Variants in MGMT observed in about 807,000 individuals in gnomAD.
MGMT encodes methylated-DNA--protein-cysteine methyltransferase.
Under a neutral mutation model 15.9 loss-of-function variants are expected in MGMT, and 14 were observed. The observed-to-expected ratio is 0.88, with a 90% CI of 0.58 to 1.37. The LOEUF (loss-of-function observed/expected upper bound fraction) is 1.37, where lower values mean the gene tolerates loss of function less well. Ranked by LOEUF, MGMT falls within the 40% of genes most tolerant of loss-of-function variation. MGMT has a pLI of 0.00. For missense variants in MGMT, 282 were observed against 268.1 expected (o/e 1.05, Z -0.36); for synonymous variants, 130 against 118.2 (o/e 1.10, Z -0.65).
intron 2 of MGMT, among the ~76,000 whole-genome samples, chr10:129,671,350 C>T (rs1304851016): frequency 3.3e-5 from 5 of 152,116 alleles, no homozygotes; most frequent in African/African-American, 1.2e-4. Flanking sequence ...CAGAAATTAG[C>T]AAATGCTACT....
At chr10:129,543,547 G>C (rs1427118946) in intron 2 of MGMT, among the ~76,000 whole-genome samples, 1 of 152,202 alleles carries the variant, frequency 6.6e-6, no homozygotes, top group Non-Finnish European at 1.5e-5. Flanking sequence ...AACCTCACCA[G>C]CTTCGGTGCT....
intron 2 of MGMT, among the ~76,000 whole-genome samples, chr10:129,573,997 C>T (rs940549668): frequency 5.3e-5 from 8 of 152,170 alleles, no homozygotes; most frequent in Non-Finnish European, 1.2e-4. Flanking sequence ...CTTAGTTTTA[C>T]TGTGGAATCC....
intron 2 of MGMT, among the ~76,000 whole-genome samples, chr10:129,679,603 T>A (rs1017392036): frequency 6.6e-6 from 1 of 152,240 alleles, no homozygotes; most frequent in Non-Finnish European, 1.5e-5. Flanking sequence ...GGAAGCCTGA[T>A]GTCGGGACGT....
At chr10:129,660,031 T>C (rs1847577948) in intron 2 of MGMT, among the ~76,000 whole-genome samples, 1 of 152,226 alleles carries the variant, frequency 6.6e-6, no homozygotes, top group Non-Finnish European at 1.5e-5. Context: ...TAATGAACAA[T>C]TATTTCTTGC....
At chr10:129,744,418 G>A (rs1196168025) in intron 3 of MGMT, among the ~76,000 whole-genome samples, 1 of 152,248 alleles carries the variant, frequency 6.6e-6, no homozygotes, top group Admixed American at 6.5e-5. Flanking sequence ...TGCCTTCGGA[G>A]TGAGCAAGCC....
intron 3 of MGMT, among the ~76,000 whole-genome samples, chr10:129,716,962 A>G (rs1303664242): frequency 1.3e-5 from 2 of 152,246 alleles, no homozygotes; most frequent in East Asian, 3.8e-4. Flanking sequence ...AAAAGGCCGC[A>G]TTGACGCATG....
intron 2 of MGMT, among the ~76,000 whole-genome samples, chr10:129,600,749 G>T (rs1564864919): frequency 6.6e-6 from 1 of 152,196 alleles, no homozygotes; most frequent in African/African-American, 2.4e-5. Context: ...ATGACCTGCC[G>T]AGGTGGCCAA....
At chr10:129,762,527 C>G (rs1214781190) in intron 4 of MGMT, among the ~76,000 whole-genome samples, 2 of 152,152 alleles carry the variant, frequency 1.3e-5, no homozygotes, top group Non-Finnish European at 2.9e-5. Flanking sequence ...GGAAGGCTGT[C>G]TCCCCAACTC....
rs1846219936 is a variant in MGMT, at chr10:129,556,861, A to AG, written c.125+20485dup. Among the ~76,000 whole-genome samples, 1 of 152,152 alleles carries AG rather than the reference A, an allele frequency of 6.6e-6. No individual in the cohort carries two copies. The highest frequency in any genetic ancestry group is 2.4e-5 in the African/African-American group (1 of 41,436). On this transcript the variant is annotated intron_variant, in intron 2 of 4. Transcript: ENST00000651593. This position sits in a 1 kb window ranked among gnomAD's most constrained non-coding sequence, Gnocchi z 4.3. ...TTTCTGTTCTGTCGTAGGGCTAGTGAGACCAGCTTTCCCTTGAGTTCTGGG... is the reference window on the plus strand; with the variant it reads ...TTTCTGTTCTGTCGTAGGGCTAGTGAGGACCAGCTTTCCCTTGAGTTCTGGG...
chr10:129,509,294 G>A (rs1006182193), intron 1 of MGMT, among the ~76,000 whole-genome samples: 20 of 152,166 alleles, frequency 1.3e-4, no homozygotes, highest in Admixed American at 3.3e-4. Flanking sequence ...CGTTGCCGCC[G>A]TTCACAGGAT....
intron 3 of MGMT, among the ~76,000 whole-genome samples, chr10:129,733,765 A>G (rs1195371691): frequency 6.9e-4 from 105 of 152,176 alleles, no homozygotes; most frequent in Middle Eastern, 3.4e-3. Flanking sequence ...TCCAGTTTCA[A>G]CTTTCTACAT....
rs186480285 is a variant in MGMT at position 129,573,393 on chromosome 10, C to A, written c.125+37016C>A. 2.5e-3 allele frequency among the ~76,000 whole-genome samples: 378 copies of A among 152,230 alleles called. 1 individual carries two copies. The highest frequency in any genetic ancestry group is 8.8e-3 in the African/African-American group (364 of 41,534). ...GTTAACAGCTTACATAACCATAGTA[C>A]ATGGTTTGTCAAAACTAGGAGATTA... On this transcript the variant is annotated intron_variant, in intron 2 of 4. Coordinates refer to ENST00000651593, the MANE Select transcript of MGMT (RefSeq NM_002412.5).
chr10:129,575,150 C>T (rs1346615129), intron 2 of MGMT, among the ~76,000 whole-genome samples: 2 of 152,038 alleles, frequency 1.3e-5, no homozygotes, highest in Non-Finnish European at 2.9e-5. Context: ...ACAAGGATAC[C>T]CAGGAATTGA....
intron 3 of MGMT, among the ~76,000 whole-genome samples, chr10:129,723,157 G>A (rs948778918): frequency 1.1e-4 from 16 of 151,842 alleles, no homozygotes; most frequent in African/African-American, 3.4e-4. Context: ...TTGGGGAACA[G>A]ATGGTATTTG....
At chr10:129,568,471 T>A (rs1407684193) in intron 2 of MGMT, among the ~76,000 whole-genome samples, 1 of 152,184 alleles carries the variant, frequency 6.6e-6, no homozygotes, top group Admixed American at 6.5e-5. Context: ...ACCGAAGAAC[T>A]TCTGCTGTAT....
chr10:129,515,563 AG>A (rs1482029475), intron 1 of MGMT, among the ~76,000 whole-genome samples: 1 of 152,102 alleles, frequency 6.6e-6, no homozygotes, highest in Non-Finnish European at 1.5e-5. Flanking sequence ...CTAGATACAG[AG>A]TGTATTGCGG....
intron 2 of MGMT, among the ~76,000 whole-genome samples, chr10:129,699,217 T>G (rs1435197983): frequency 6.6e-6 from 1 of 152,226 alleles, no homozygotes; most frequent in Non-Finnish European, 1.5e-5. Context: ...ATCTGCCAAG[T>G]ATACTATTTG....
At chr10:129,605,362 T>G (rs532984292) in intron 2 of MGMT, among the ~76,000 whole-genome samples, 3 of 152,226 alleles carry the variant, frequency 2.0e-5, no homozygotes, top group Non-Finnish European at 4.4e-5. Context: ...CCAGTTCCAT[T>G]CCAGATGTGA....
intron 1 of MGMT, among the ~76,000 whole-genome samples, chr10:129,529,937 G>A (rs545865150): frequency 6.6e-6 from 1 of 151,570 alleles, no homozygotes; most frequent in East Asian, 2.0e-4. Context: ...GTCTTGCTCT[G>A]TTACCCAGGC....
Sources: allele counts gnomAD v4.1 joint callset (sites outside exome capture counted in the v4.1 genomes callset), GRCh38; gene constraint gnomAD v4.1.1; non-coding constraint Gnocchi (gnomAD v3.1); transcripts MANE v1.5; gene names NCBI Gene and HGNC (gene_info 2026-07-23, HGNC 2026-07-21).